The following SLC44A5 variants were observed in gnomAD, a reference collection of about 807,000 sequenced individuals.
SLC44A5 encodes the protein solute carrier family 44 member 5.
Under a neutral mutation model 101.8 loss-of-function variants are expected in SLC44A5, and 57 were observed. The observed-to-expected ratio is 0.56, with a 90% confidence interval of 0.45 to 0.70. The LOEUF is 0.70. SLC44A5 is among the 30% of genes least tolerant of loss of function. The pLI is 0.00. For synonymous variants in SLC44A5, 281 were observed against 290.9 expected (o/e 0.97, Z 0.35); for missense variants, 737 against 853.1 (o/e 0.86, Z 1.70).
intron 3 of SLC44A5, among the ~76,000 whole-genome samples, chr1:75,369,873 T>C (rs568058912): frequency 6.6e-6 from 1 of 152,340 alleles, no homozygotes; most frequent in South Asian, 2.1e-4. Flanking sequence ...GGTTTCCAGC[T>C]GGAAGTTTTC....
At chr1:75,244,378 C>T (rs1648925067) in intron 7 of SLC44A5, among the ~76,000 whole-genome samples, 1 of 151,944 alleles carries the variant, frequency 6.6e-6, no homozygotes, top group Non-Finnish European at 1.5e-5. Flanking sequence ...ATTAATATTG[C>T]TTGTGTAGTC....
intron 23 of SLC44A5, chr1:75,206,466 C>T (rs1327888752): frequency 3.4e-6 from 2 of 594,150 alleles, no homozygotes; most frequent in Middle Eastern, 2.8e-4. Flanking sequence ...AAATACCTGA[C>T]ACCTCAGGTA....
At chr1:75,689,843 T>C in the SLC44A5 span, among the ~76,000 whole-genome samples, 1 of 152,212 alleles carries the variant, frequency 6.6e-6, no homozygotes, top group African/African-American at 2.4e-5. Context: ...TCCTTGCTTG[T>C]TTAGCCTCCT....
chr1:75,684,124 C>T, the SLC44A5 span, among the ~76,000 whole-genome samples: 1 of 152,026 alleles, frequency 6.6e-6, no homozygotes, highest in East Asian at 1.9e-4. Flanking sequence ...CGTAGGGGAA[C>T]ACTCATTTAT....
chr1:75,251,243 G>A lies in SLC44A5; in HGVS notation c.312C>T (p.Ser104=), dbSNP rs114123196. The A allele has an allele frequency of 1.0e-3, 1,664 of 1,613,452 alleles. 13 individuals carry two copies. The African/African-American group carries it at 0.02, about 19-fold the overall frequency. Residue 104 remains serine, a synonymous_variant, in exon 7 of 24, where the codon TCC becomes TCT. Coordinates refer to ENST00000370859, the MANE Select transcript of SLC44A5 (RefSeq NM_001130058.2). ...YFNLLRCTSP[S]VLLNLQCPTT... is the part of the protein sequence containing the mutation. ...TAGGGCACTGTAGGTTTAGCAACAC[G>A]GAGGGACTGGTACAGCGTAACAGGT...
the SLC44A5 span, among the ~76,000 whole-genome samples, chr1:75,681,991 A>G: frequency 2.6e-5 from 4 of 152,160 alleles, no homozygotes; most frequent in Non-Finnish European, 5.9e-5. Context: ...TCATGAGTGA[A>G]CTCCCATTCA....
At chr1:75,352,376 C>T (rs1427166975) in intron 3 of SLC44A5, among the ~76,000 whole-genome samples, 1 of 151,614 alleles carries the variant, frequency 6.6e-6, no homozygotes, top group Non-Finnish European at 1.5e-5. Flanking sequence ...CCCAACAGGC[C>T]CAAGTGTGTG....
At chr1:75,320,982 C>CA (rs1358536746) in intron 4 of SLC44A5, among the ~76,000 whole-genome samples, 1 of 150,956 alleles carries the variant, frequency 6.6e-6, no homozygotes, top group Non-Finnish European at 1.5e-5. Context: ...TACAGTAAGG[C>CA]AAAAAAAATT....
intron 2 of SLC44A5, among the ~76,000 whole-genome samples, chr1:75,502,267 A>G (rs1166614993): frequency 6.6e-6 from 1 of 152,232 alleles, no homozygotes; most frequent in Non-Finnish European, 1.5e-5. Flanking sequence ...TTTCAAAGTC[A>G]GTGACAGTTC....
At chr1:75,303,967 A>G (rs1339958713) in intron 4 of SLC44A5, among the ~76,000 whole-genome samples, 1 of 152,202 alleles carries the variant, frequency 6.6e-6, no homozygotes, top group Non-Finnish European at 1.5e-5. Flanking sequence ...TTAAAAAAAT[A>G]TATCTCAGTA....
intron 2 of SLC44A5, among the ~76,000 whole-genome samples, chr1:75,401,004 G>A (rs563474372): frequency 6.6e-6 from 1 of 152,290 alleles, no homozygotes; most frequent in African/African-American, 2.4e-5. Flanking sequence ...CTTGTAAGGT[G>A]AGCCTCTGAA....
the SLC44A5 span, among the ~76,000 whole-genome samples, chr1:75,714,872 C>T: frequency 2.6e-5 from 4 of 152,174 alleles, no homozygotes; most frequent in African/African-American, 9.7e-5. Flanking sequence ...CAAGGTTTCA[C>T]CATGCTGGCC....
chr1:75,348,600 TAAC>T (rs1184792564), intron 3 of SLC44A5, among the ~76,000 whole-genome samples: 5 of 152,168 alleles, frequency 3.3e-5, no homozygotes, highest in African/African-American at 1.2e-4. Context: ...GACAGATTAA[TAAC>T]AACAAAAGAC....
chr1:75,592,781 T>C (rs1336273823), intron 1 of SLC44A5, among the ~76,000 whole-genome samples: 1 of 151,980 alleles, frequency 6.6e-6, no homozygotes, highest in East Asian at 1.9e-4. Flanking sequence ...CTGGGAAAAA[T>C]GGATATCTAT....
chr1:75,459,189 C>T (rs1666356150), intron 2 of SLC44A5, among the ~76,000 whole-genome samples: 1 of 152,152 alleles, frequency 6.6e-6, no homozygotes. Flanking sequence ...AATCCAAGCA[C>T]AAGGAAGAAC....
At chr1:75,448,995 C>G (rs903705207) in intron 2 of SLC44A5, among the ~76,000 whole-genome samples, 3 of 152,110 alleles carry the variant, frequency 2.0e-5, no homozygotes, top group Admixed American at 2.0e-4. Flanking sequence ...TGCTCTCTCC[C>G]ACCACTAAGA....
At chr1:75,511,571 T>A (rs1207322214) in intron 2 of SLC44A5, among the ~76,000 whole-genome samples, 1 of 152,208 alleles carries the variant, frequency 6.6e-6, no homozygotes, top group East Asian at 1.9e-4. Context: ...TATTTTAATA[T>A]ATTCCCAGTA....
intron 5 of SLC44A5, among the ~76,000 whole-genome samples, chr1:75,297,987 G>C (rs1419247906): frequency 2.6e-5 from 4 of 152,124 alleles, no homozygotes; most frequent in Non-Finnish European, 5.9e-5. Flanking sequence ...CAACAAAAAT[G>C]TCTCTTCCAT....
intron 4 of SLC44A5, among the ~76,000 whole-genome samples, chr1:75,332,007 G>A (rs893420587): frequency 6.6e-6 from 1 of 152,030 alleles, no homozygotes; most frequent in Non-Finnish European, 1.5e-5. Context: ...TCATTTCTCA[G>A]ATGTTTTCTG....
Sources: allele counts gnomAD v4.1 joint callset (sites outside exome capture counted in the v4.1 genomes callset), GRCh38; gene constraint gnomAD v4.1.1; transcripts MANE v1.5; gene names NCBI Gene and HGNC (gene_info 2026-07-23, HGNC 2026-07-21).